The following ZC3H3 variants were observed in gnomAD, a reference collection of about 807,000 sequenced individuals.
ZC3H3 encodes the protein zinc finger CCCH domain-containing protein 3.
ZC3H3 carries 36 observed loss-of-function variants against 77.3 expected under a neutral mutation model. That is an observed-to-expected ratio of 0.47 (90% confidence interval 0.36 to 0.61). ZC3H3 has a LOEUF of 0.61. Among genes scored for constraint, ZC3H3 ranks in the 20% least tolerant of loss-of-function variants. The pLI, the probability that ZC3H3 is intolerant of heterozygous loss-of-function variation, is 0.00. For missense variants in ZC3H3, 1,331 were observed against 1,312.2 expected, an observed-to-expected ratio of 1.01 and a Z score of -0.22; for synonymous variants, 626 against 555.2, an observed-to-expected ratio of 1.13 and a Z score of -1.79.
At chr8:143,470,444 C>T (rs1433077976) in intron 5 of ZC3H3, among the ~76,000 whole-genome samples, 2 of 152,192 alleles carry the variant, frequency 1.3e-5, no homozygotes, top group African/African-American at 2.4e-5. Context: ...TCAGGGCAGC[C>T]CCCGTTCTCA....
At chr8:143,483,251 C>T (rs61206940) in intron 4 of ZC3H3, among the ~76,000 whole-genome samples, 23,029 of 152,272 alleles carry the variant, frequency 0.15, 2,039 homozygotes, top group Middle Eastern at 0.27. Context: ...CGCTGACACC[C>T]CCATCACCGT....
In ZC3H3 at chr8:143,440,227, A is replaced by C. The variant is rs749024316; in HGVS notation, c.2629T>G (p.Ser877Ala). The C allele has an allele frequency of 2.2e-5, 35 of 1,604,474 alleles. 1 individual carries two copies. In the African/African-American group the frequency reaches 3.9e-4, roughly 18 times the overall value. The change falls in exon 11 of 12, where the codon TCC becomes GCC. Residue 877 changes from serine (S) to alanine (A), a missense_variant. Around this residue, in one of 3 missense-constraint regions of ZC3H3, gnomAD observed 249 missense variants for 236.9 expected, o/e 1.05. Transcript: ENST00000262577. ...PSSSKASSSS[S>A]SSSSPPASLD... Reference sequence around the variant, plus strand: ...GAAGCGGGAGGGGATGAGGAGGAGGAGGAGGAGGAGGAAGCCTTCGAGGAT... The same window carrying C: ...GAAGCGGGAGGGGATGAGGAGGAGGCGGAGGAGGAGGAAGCCTTCGAGGAT...
rs202188199 is a variant in ZC3H3, at chr8:143,538,513, G to A, written c.854C>T (p.Pro285Leu). The A allele has an allele frequency of 7.8e-5, 125 of 1,612,494 alleles. No homozygotes were observed. The highest frequency in any genetic ancestry group is 1.2e-4 in the Admixed American group (7 of 60,032). Residue 285 changes from proline (P) to leucine (L), a missense_variant, in exon 2 of 12, where the codon CCG becomes CTG. Around this residue, in one of 3 missense-constraint regions of ZC3H3, gnomAD observed 978 missense variants for 915.5 expected, o/e 1.07. Transcript: ENST00000262577. Reference protein sequence around the residue: ...PSGSVGGPARPASGPRQAREA... With the variant: ...PSGSVGGPARLASGPRQAREA... ...CCGGGCCTGCCTGGGTCCTGAGGCC[G>A]GTCTGGCGGGGCCCCCCACTGAGCC... is the stretch of plus-strand genomic sequence containing the variant.
intron 9 of ZC3H3, among the ~76,000 whole-genome samples, chr8:143,441,722 CAA>C (rs1005612842): frequency 6.6e-6 from 1 of 152,170 alleles, no homozygotes; most frequent in Non-Finnish European, 1.5e-5. Context: ...CAGGGAAACA[CAA>C]AGAGGCTGCC....
intron 3 of ZC3H3, among the ~76,000 whole-genome samples, chr8:143,523,865 A>G (rs1822328771): frequency 1.3e-5 from 2 of 152,242 alleles, no homozygotes; most frequent in African/African-American, 4.8e-5. Flanking sequence ...CCGCAGGATG[A>G]TGGAGAGCAA....
intron 4 of ZC3H3, among the ~76,000 whole-genome samples, chr8:143,496,657 A>C (rs1277420392): frequency 6.6e-6 from 1 of 151,906 alleles, no homozygotes; most frequent in Admixed American, 6.5e-5. Flanking sequence ...CAACATCTAG[A>C]ATGAGTGGAC....
chr8:143,456,013 A>AG (rs1412441085), intron 9 of ZC3H3, among the ~76,000 whole-genome samples: 3 of 151,604 alleles, frequency 2.0e-5, no homozygotes, highest in Non-Finnish European at 4.4e-5. Context: ...GACTTAAAAA[A>AG]GCGTTTGATT....
intron 9 of ZC3H3, among the ~76,000 whole-genome samples, chr8:143,458,124 C>T (rs1177254259): frequency 1.3e-5 from 2 of 152,172 alleles, no homozygotes; most frequent in East Asian, 3.8e-4. Flanking sequence ...CACAAACTTC[C>T]AGTAACAGAA....
At chr8:143,510,369 G>T (rs770659262) in intron 3 of ZC3H3, among the ~76,000 whole-genome samples, 21 of 152,230 alleles carry the variant, frequency 1.4e-4, no homozygotes, top group Non-Finnish European at 2.6e-4. Flanking sequence ...TGTCCCCCAC[G>T]GCCTGGCCCT....
rs1003071902 is a variant in ZC3H3, at chr8:143,539,287, T to G, written c.80A>C (p.Asn27Thr). Residue 27 changes from asparagine to threonine, a missense_variant, in exon 2 of 12, where the codon AAT (asparagine) becomes ACT (threonine). Asn to Thr is a moderately conservative substitution (Grantham distance 65). Around this residue, in one of 3 missense-constraint regions of ZC3H3, gnomAD observed 978 missense variants for 915.5 expected, o/e 1.07. Coordinates refer to ENST00000262577, the MANE Select transcript of ZC3H3 (RefSeq NM_015117.3). The stretch of plus-strand genomic sequence containing the variant: ...TGCTGGGGTACCAGGGGCCGGGGCA[T>G]TGCCGTGGAGGGTTTTGTAGTCATC... Reference protein sequence around the residue: ...LIDDYKTLHGNAPAPGTPAAS... With the variant: ...LIDDYKTLHGTAPAPGTPAAS... 3.1e-6 allele frequency: 5 copies of G among 1,612,202 alleles called. No homozygotes were observed. The highest frequency in any genetic ancestry group is 3.4e-6 in the Non-Finnish European group (4 of 1,179,816).
Position 143,440,720 on chromosome 8 carries a change from T to C in ZC3H3, c.2492+216A>G, listed in dbSNP as rs1187564326. ...CTCTGTGAGGCCCCACCTTCCTCCA[T>C]TGGCCAGGGATGCCCTTGGCTCTGT... is the stretch of plus-strand genomic sequence containing the variant. On this transcript the variant is annotated intron_variant, in intron 10 of 11. Coordinates refer to ENST00000262577, the MANE Select transcript of ZC3H3 (RefSeq NM_015117.3). 4.6e-5 allele frequency among the ~76,000 whole-genome samples: 7 copies of C among 152,302 alleles called. No individual in the cohort carries two copies. The South Asian group carries it at 8.3e-4, about 18-fold the overall frequency.
chr8:143,479,061 G>A (rs988972069), intron 4 of ZC3H3, among the ~76,000 whole-genome samples: 6 of 152,358 alleles, frequency 3.9e-5, no homozygotes, highest in South Asian at 2.1e-4. Flanking sequence ...GGGGCAGGGC[G>A]CTTCCTGGTG....
intron 4 of ZC3H3, among the ~76,000 whole-genome samples, chr8:143,478,332 G>A (rs1586905426): frequency 6.6e-6 from 1 of 152,188 alleles, no homozygotes; most frequent in African/African-American, 2.4e-5. Flanking sequence ...TCCCCCAGGG[G>A]CAGCCACAGC....
rs566132450 is a variant in ZC3H3, at chr8:143,455,699, G to A, written c.2307+10018C>T. Among the ~76,000 whole-genome samples, 207 of 152,250 alleles carry A rather than the reference G, an allele frequency of 1.4e-3. 2 individuals carry two copies. Among genetic ancestry groups the A allele is most frequent in the Non-Finnish European group, 1.1e-3 (75 of 68,022 alleles). Reference sequence around the variant, plus strand: ...TTAAGATTTAAAAAGGCAGCCGGGCGTGATGGCTCATGCCTGTGATCCCAG... The same window carrying A: ...TTAAGATTTAAAAAGGCAGCCGGGCATGATGGCTCATGCCTGTGATCCCAG... On this transcript the variant is annotated intron_variant, in intron 9 of 11. Transcript: ENST00000262577.
chr8:143,484,343 T>C (rs924445732), intron 4 of ZC3H3, among the ~76,000 whole-genome samples: 31 of 152,224 alleles, frequency 2.0e-4, no homozygotes, highest in African/African-American at 7.2e-4. Context: ...CTAATGACAC[T>C]GCCTCCGTTA....
In ZC3H3 at chr8:143,441,178, G is replaced by A. The variant is rs1819732923; in HGVS notation, c.2308-58C>T. On this transcript the variant is annotated intron_variant, in intron 9 of 11. Transcript: ENST00000262577. ...GGCTGGAGGCTGTGGCGCTGCACGG[G>A]GAAGGCAAGGAGAGCCAGGCCAGGC... 8.1e-6 allele frequency: 11 copies of A among 1,350,380 alleles called. No homozygotes were observed. The South Asian group carries it at 1.3e-4, about 16-fold the overall frequency. The allele number at this position is 1,350,380 out of a possible 1,614,324, so 83.6% of individuals were successfully genotyped here.
At chr8:143,495,455 C>G (rs1821320594) in intron 4 of ZC3H3, among the ~76,000 whole-genome samples, 1 of 152,218 alleles carries the variant, frequency 6.6e-6, no homozygotes, top group South Asian at 2.1e-4. Context: ...AGCTAATCCA[C>G]AGTGAGAGAC....
chr8:143,457,695 T>C (rs902535865), intron 9 of ZC3H3, among the ~76,000 whole-genome samples: 1 of 152,044 alleles, frequency 6.6e-6, no homozygotes, highest in Non-Finnish European at 1.5e-5. Flanking sequence ...AACAAGACCC[T>C]GTCTTACAGA....
At chr8:143,517,935 G>A (rs1822113870) in intron 3 of ZC3H3, among the ~76,000 whole-genome samples, 1 of 152,214 alleles carries the variant, frequency 6.6e-6, no homozygotes, top group African/African-American at 2.4e-5. Flanking sequence ...AGACCTGCTC[G>A]GGGCCAGGAC....
Sources: allele counts gnomAD v4.1 joint callset (sites outside exome capture counted in the v4.1 genomes callset), GRCh38; gene constraint gnomAD v4.1.1; regional missense constraint gnomAD v4.1.1; transcripts MANE v1.5; gene names NCBI Gene and HGNC (gene_info 2026-07-23, HGNC 2026-07-21).